Variants in OSBPL8 observed in about 807,000 individuals in gnomAD.
OSBPL8 encodes the protein oxysterol-binding protein-related protein 8.
In OSBPL8, 59 loss-of-function variants were observed where a neutral mutation model predicts 125.5. The ratio of observed to expected loss-of-function variants is 0.47; its 90% confidence interval spans 0.38 to 0.58. The LOEUF (loss-of-function observed/expected upper bound fraction) is 0.58, where lower values mean the gene tolerates loss of function less well. Ranked by LOEUF, OSBPL8 falls within the 20% of genes least tolerant of loss-of-function variation. The pLI is 0.00. For missense variants in OSBPL8, 758 were observed against 1,047.8 expected (o/e 0.72, Z 3.82); for synonymous variants, 330 against 338.9 (o/e 0.97, Z 0.29).
intron 1 of OSBPL8, among the ~76,000 whole-genome samples, chr12:76,528,849 G>A (rs1950255840): frequency 6.6e-6 from 1 of 151,852 alleles, no homozygotes; most frequent in African/African-American, 2.4e-5. Context: ...GGGAGACCCT[G>A]TCTCAAAAAA....
At chr12:76,513,060 A>G (rs1421245936) in intron 1 of OSBPL8, among the ~76,000 whole-genome samples, 2 of 152,266 alleles carry the variant, frequency 1.3e-5, no homozygotes, top group Non-Finnish European at 2.9e-5. Context: ...CTTACCCAAA[A>G]GTCATTCAGC....
chr12:76,373,254 G>T, intron 18 of OSBPL8, 90 bp downstream of exon 18: 2 of 800,888 alleles, frequency 2.5e-6, no homozygotes, highest in Non-Finnish European at 1.9e-6. Context: ...GATGTTTTCA[G>T]CAACGGAATA....
At chr12:76,364,972 T>G (rs575290391) in intron 21 of OSBPL8, among the ~76,000 whole-genome samples, 2 of 152,322 alleles carry the variant, frequency 1.3e-5, no homozygotes, top group Admixed American at 6.5e-5. Flanking sequence ...AGTTACGTCC[T>G]TATTTTTTTG....
chr12:76,508,118 C>T (rs1880601951), intron 1 of OSBPL8, among the ~76,000 whole-genome samples: 1 of 151,838 alleles, frequency 6.6e-6, no homozygotes, highest in Non-Finnish European at 1.5e-5. Context: ...TTGCAGTGAG[C>T]CGAGATTGCG....
intron 4 of OSBPL8, among the ~76,000 whole-genome samples, chr12:76,432,438 G>T (rs531000618): frequency 6.6e-6 from 1 of 152,004 alleles, no homozygotes; most frequent in African/African-American, 2.4e-5. Flanking sequence ...AAAATTAGCC[G>T]GGTGTGGTGG....
At chr12:76,538,259 T>C (rs1299957469) in intron 1 of OSBPL8, among the ~76,000 whole-genome samples, 1 of 152,222 alleles carries the variant, frequency 6.6e-6, no homozygotes, top group Non-Finnish European at 1.5e-5. Context: ...TTGCTCAGAA[T>C]CATGAATAAT....
chr12:76,356,860 C>T (rs1952006741), intron 22 of OSBPL8, 132 bp from the exon 23 acceptor site: 1 of 563,474 alleles, frequency 1.8e-6, no homozygotes, highest in South Asian at 2.5e-5. Flanking sequence ...AATATGAATA[C>T]TCTGCACTTT....
rs1565866961 is a variant in OSBPL8 at position 76,402,700 on chromosome 12, CT to C, written c.354del (p.Glu119AsnfsTer37). 4 of 1,603,164 alleles carry C rather than the reference CT, an allele frequency of 2.5e-6. No individual in the cohort carries two copies. Among genetic ancestry groups the C allele is most frequent in the Non-Finnish European group, 3.4e-6 (4 of 1,170,646 alleles). On this transcript the variant is annotated frameshift_variant, in exon 6 of 24. Transcript: ENST00000261183. LOFTEE classifies it high-confidence loss of function. ...DSSTSSKLTKKESLKVQKKNY... is the reference protein window; with the variant it reads ...DSSTSSKLTKXESLKVQKKNY... ...AACTGGAAACTAACCTTAAGAGATTCTTTTTTTGTGAGTTTGCTTGAAGTTG... is the reference window on the plus strand; with the variant it reads ...AACTGGAAACTAACCTTAAGAGATTCTTTTTTGTGAGTTTGCTTGAAGTTG...
At chr12:76,451,581 C>G (rs1430863791) in intron 3 of OSBPL8, among the ~76,000 whole-genome samples, 1 of 152,160 alleles carries the variant, frequency 6.6e-6, no homozygotes, top group Non-Finnish European at 1.5e-5. Context: ...TAACTCAGAA[C>G]CATTTGGTTC....
chr12:76,453,889 G>A (rs1236999458), intron 3 of OSBPL8, among the ~76,000 whole-genome samples: 1 of 152,026 alleles, frequency 6.6e-6, no homozygotes, highest in African/African-American at 2.4e-5. Flanking sequence ...ATAGGGCAAA[G>A]ACTTGAACAG....
chr12:76,409,288 G>T (rs1325847180), intron 5 of OSBPL8, among the ~76,000 whole-genome samples: 1 of 152,150 alleles, frequency 6.6e-6, no homozygotes, highest in Non-Finnish European at 1.5e-5. Context: ...TTAGAAGAAA[G>T]AATCCAAACA....
chr12:76,400,352 C>T (rs1953998865), intron 6 of OSBPL8, among the ~76,000 whole-genome samples: 1 of 152,210 alleles, frequency 6.6e-6, no homozygotes, highest in Non-Finnish European at 1.5e-5. Context: ...TTTATTATGG[C>T]CACATAGTAT....
intron 1 of OSBPL8, among the ~76,000 whole-genome samples, chr12:76,513,017 T>C (rs746857661): frequency 6.6e-6 from 1 of 152,200 alleles, no homozygotes. Context: ...CTGATATTTG[T>C]ATATTGGTTT....
rs548232668 is a variant in OSBPL8, at chr12:76,414,589, C to A, written c.218-3955G>T. 9.9e-5 allele frequency among the ~76,000 whole-genome samples: 15 copies of A among 151,122 alleles called. No homozygotes were observed. In the South Asian group the frequency reaches 2.9e-3, roughly 30 times the overall value. ...ACCACAGCCTCCTGAGTAGCTGAGA[C>A]AAGAGACACATGTCACTAGGCCTGA... On this transcript the variant is annotated intron_variant, in intron 4 of 23. Coordinates refer to ENST00000261183, the MANE Select transcript of OSBPL8 (RefSeq NM_020841.5).
intron 12 of OSBPL8, among the ~76,000 whole-genome samples, chr12:76,388,385 C>T (rs1247421677): frequency 1.3e-5 from 2 of 152,022 alleles, no homozygotes; most frequent in Admixed American, 6.6e-5. Context: ...TATGATAGTC[C>T]CTGATTGCCA....
At chr12:76,554,941 G>C (rs981702012) in intron 1 of OSBPL8, among the ~76,000 whole-genome samples, 4 of 151,996 alleles carry the variant, frequency 2.6e-5, no homozygotes, top group African/African-American at 9.7e-5. Context: ...ACTGCTCCAT[G>C]GATCAAAAAC....
intron 8 of OSBPL8, among the ~76,000 whole-genome samples, chr12:76,395,873 T>G (rs558864988): frequency 1.3e-5 from 2 of 151,970 alleles, no homozygotes; most frequent in Non-Finnish European, 2.9e-5. Context: ...AGTATTTATA[T>G]AATTATACAG....
At chr12:76,358,652 T>G in intron 22 of OSBPL8, 54 bp downstream of exon 22, 1 of 1,393,626 alleles carries the variant, frequency 7.2e-7, no homozygotes, top group Non-Finnish European at 1.0e-6. Context: ...TCATATCAAA[T>G]TGTGTAGTAA....
At chr12:76,474,858 C>G (rs982802399) in intron 2 of OSBPL8, among the ~76,000 whole-genome samples, 2 of 152,146 alleles carry the variant, frequency 1.3e-5, no homozygotes, top group African/African-American at 4.8e-5. Flanking sequence ...ACCCAATCCC[C>G]AAGCTTGCTC....
Sources: allele counts gnomAD v4.1 joint callset (sites outside exome capture counted in the v4.1 genomes callset), GRCh38; gene constraint gnomAD v4.1.1; transcripts MANE v1.5; gene names NCBI Gene and HGNC (gene_info 2026-07-23, HGNC 2026-07-21).